Variants in ATOH8 observed in about 807,000 individuals in gnomAD.
ATOH8 encodes the protein transcription factor ATOH8.
Under a neutral mutation model 21.2 loss-of-function variants are expected in ATOH8, and 9 were observed. The ratio of observed to expected loss-of-function variants is 0.42; its 90% CI spans 0.26 to 0.74. The LOEUF is 0.74. ATOH8 is among the 30% of genes least tolerant of loss of function. The pLI, the probability that ATOH8 is intolerant of heterozygous loss-of-function variation, is 0.24. For missense variants in ATOH8, 524 were observed against 470.9 expected, an observed-to-expected ratio of 1.11 and a Z score of -1.04; for synonymous variants, 253 against 224.0, an observed-to-expected ratio of 1.13 and a Z score of -1.16.
chr2:85,755,773 C>T (rs925288453), intron 1 of ATOH8, among the ~76,000 whole-genome samples: 1 of 152,130 alleles, frequency 6.6e-6, no homozygotes. Flanking sequence ...GGGACAATCG[C>T]TTGGGCTTCT....
rs1680678887 is a variant in ATOH8 at position 85,788,382 on chromosome 2, A to C, written c.*1492A>C. On this transcript the variant is annotated 3_prime_UTR_variant, in exon 3 of 3. Transcript: ENST00000306279. ...ATTAACCCCGTTTCACAGATGGGGT[A>C]ACTGAGGCCTCAAGTAGACAGGGTC... Among the ~76,000 whole-genome samples the C allele has an allele frequency of 6.6e-6, 1 of 152,110 alleles. No homozygotes were observed. The highest frequency in any genetic ancestry group is 2.1e-4 in the South Asian group (1 of 4,832).
intron 2 of ATOH8, among the ~76,000 whole-genome samples, chr2:85,765,173 G>A (rs1276016412): frequency 6.6e-6 from 1 of 152,212 alleles, no homozygotes. Context: ...GTCTACATCT[G>A]TGAGGCAAGA....
chr2:85,778,851 A>G (rs969284872), intron 2 of ATOH8, among the ~76,000 whole-genome samples: 1 of 152,126 alleles, frequency 6.6e-6, no homozygotes, highest in African/African-American at 2.4e-5. Flanking sequence ...TGTCTGTGTA[A>G]GGATCATAAG....
intron 1 of ATOH8, among the ~76,000 whole-genome samples, chr2:85,756,054 G>T (rs1342246856): frequency 6.6e-6 from 1 of 151,698 alleles, no homozygotes. Context: ...GGGGGTTGGG[G>T]TGGGGTGGGG....
rs771168034 is a variant in ATOH8 at position 85,764,123 on chromosome 2, G to A, written c.901G>A (p.Glu301Lys). The change falls in exon 2 of 3, where the codon GAG becomes AAG. Residue 301 changes from glutamate to lysine, a missense_variant. Transcript: ENST00000306279. The part of the protein sequence containing the change: ...SADHSNLSFS[E>K]CVQRCTRTLQ... ...CGACCACAGCAACCTCAGCTTCTCC[G>A]AGTGTGTGCAGCGCTGCACCCGCAC... 2 of 1,614,166 alleles carry A rather than the reference G, an allele frequency of 1.2e-6. No homozygotes were observed. Among genetic ancestry groups the A allele is most frequent in the East Asian group, 2.2e-5 (1 of 44,870 alleles).
chr2:85,763,010 G>A (rs547927774), intron 1 of ATOH8, among the ~76,000 whole-genome samples: 1 of 152,250 alleles, frequency 6.6e-6, no homozygotes, highest in South Asian at 2.1e-4. Flanking sequence ...GTTCATCAAT[G>A]ATATGGATGC....
intron 2 of ATOH8, among the ~76,000 whole-genome samples, chr2:85,771,629 C>A (rs1256579667): frequency 6.6e-6 from 1 of 152,208 alleles, no homozygotes; most frequent in Admixed American, 6.5e-5. Context: ...GTGCAGCCTG[C>A]AGCCCATCCA....
intron 2 of ATOH8, among the ~76,000 whole-genome samples, chr2:85,782,534 A>G (rs1167945353): frequency 1.3e-5 from 2 of 152,248 alleles, no homozygotes; most frequent in East Asian, 3.8e-4. Flanking sequence ...AATTACCACA[A>G]CTTCCCTGAA....
At chr2:85,762,179 C>T (rs1679889099) in intron 1 of ATOH8, among the ~76,000 whole-genome samples, 1 of 152,206 alleles carries the variant, frequency 6.6e-6, no homozygotes, top group African/African-American at 2.4e-5. Flanking sequence ...TCCTTACCTC[C>T]TTGTGAGATC....
intron 2 of ATOH8, 45 bp downstream of exon 2, chr2:85,764,227 G>A: frequency 6.2e-7 from 1 of 1,605,716 alleles, no homozygotes; most frequent in Non-Finnish European, 8.5e-7. Context: ...GAGCATAGGG[G>A]AGGCAGGGAC....
chr2:85,755,088 A>T (rs1205117211), intron 1 of ATOH8, 131 bp downstream of exon 1: 2 of 1,269,652 alleles, frequency 1.6e-6, no homozygotes, highest in African/African-American at 1.5e-5. Flanking sequence ...CCTGGTGCCC[A>T]GACAGGTGTG....
chr2:85,777,408 G>A (rs1297530629), intron 2 of ATOH8, among the ~76,000 whole-genome samples: 1 of 152,148 alleles, frequency 6.6e-6, no homozygotes, highest in East Asian at 1.9e-4. Flanking sequence ...TGGCCTCATC[G>A]AATAAGAAGA....
rs1165968801 is a variant in ATOH8 at position 85,787,150 on chromosome 2, C to G, written c.*260C>G. On this transcript the variant is annotated 3_prime_UTR_variant, in exon 3 of 3. Transcript: ENST00000306279. Reference sequence around the variant, plus strand: ...AGCTCAGCCCCCGACTCACTCAGACCCCAAGGCCCACTGTCCAGCTGCAGA... The same window carrying G: ...AGCTCAGCCCCCGACTCACTCAGACGCCAAGGCCCACTGTCCAGCTGCAGA... 2 of 499,922 alleles carry G rather than the reference C, an allele frequency of 4.0e-6. No homozygotes were observed. Among genetic ancestry groups the G allele is most frequent in the Non-Finnish European group, 7.1e-6 (2 of 280,260 alleles). 31.0% of individuals were successfully genotyped at this position (499,922 alleles called of 1,614,324 possible).
chr2:85,781,542 G>A (rs1434072362), intron 2 of ATOH8, among the ~76,000 whole-genome samples: 3 of 152,018 alleles, frequency 2.0e-5, no homozygotes, highest in Non-Finnish European at 4.4e-5. Flanking sequence ...CTCCAGCCTG[G>A]GTGGCAGAGT....
At chr2:85,759,123 C>T (rs1483890637) in intron 1 of ATOH8, among the ~76,000 whole-genome samples, 2 of 152,182 alleles carry the variant, frequency 1.3e-5, no homozygotes, top group East Asian at 3.9e-4. Flanking sequence ...TGGAGCTTCC[C>T]AGGGGGTCTT....
intron 2 of ATOH8, chr2:85,772,675 AAAACCGTGC>A (rs765224251): frequency 4.4e-6 from 2 of 456,274 alleles, no homozygotes; most frequent in South Asian, 3.1e-5. Flanking sequence ...GGCAGCAGGG[AAAACCGTGC>A]AAAAGGTTCT....
At chr2:85,778,854 A>T (rs1001480655) in intron 2 of ATOH8, among the ~76,000 whole-genome samples, 6 of 152,062 alleles carry the variant, frequency 3.9e-5, no homozygotes, top group Non-Finnish European at 5.9e-5. Context: ...CTGTGTAAGG[A>T]TCATAAGTCA....
chr2:85,754,608 C>A lies in ATOH8; in HGVS notation c.419C>A (p.Pro140Gln). 6.7e-7 allele frequency: 1 copy of A among 1,487,610 alleles called. No homozygotes were observed. The highest frequency in any genetic ancestry group is 2.7e-5 in the East Asian group (1 of 37,370). The allele number at this position is 1,487,610 out of a possible 1,614,324, so 92.2% of individuals were successfully genotyped here. A position where few individuals can be genotyped will look rare whatever the true frequency, so the allele number is the denominator to read the frequency against. ...CCCCAGAGCCAGGCACCTGGGGGCC[C>A]AGAGGCACAGCCTTTCCGGGAGCCG... The part of the protein sequence containing the change: ...PAPQSQAPGG[P>Q]EAQPFREPGL... Residue 140 changes from proline (P) to glutamine (Q), a missense_variant, in exon 1 of 3, where the codon CCA (proline) becomes CAA (glutamine). By Grantham distance (76) the Pro-to-Gln change is moderately conservative. Transcript: ENST00000306279.
rs191142963 is a variant in ATOH8, at chr2:85,783,891, A to T, written c.961-2994A>T. Among the ~76,000 whole-genome samples, 179 of 151,600 alleles carry T rather than the reference A, an allele frequency of 1.2e-3. 1 individual carries two copies. The highest frequency in any genetic ancestry group is 4.1e-3 in the African/African-American group (170 of 41,320). Reference sequence around the variant, plus strand: ...ACACAGCCACTTATGAAGAGGTATCATTGGCATCTTTGTCTTCTATCCCTC... The same window carrying T: ...ACACAGCCACTTATGAAGAGGTATCTTTGGCATCTTTGTCTTCTATCCCTC... On this transcript the variant is annotated intron_variant, in intron 2 of 2. Transcript: ENST00000306279.
Sources: allele counts gnomAD v4.1 joint callset (sites outside exome capture counted in the v4.1 genomes callset), GRCh38; gene constraint gnomAD v4.1.1; transcripts MANE v1.5; gene names NCBI Gene and HGNC (gene_info 2026-07-23, HGNC 2026-07-21).